IQSEC2: variants seen among roughly 807,000 people sequenced by gnomAD.
IQSEC2 encodes the protein IQ motif and SEC7 domain-containing protein 2.
In IQSEC2, 6 loss-of-function variants were observed where a neutral mutation model predicts 74.6. The ratio of observed to expected loss-of-function variants is 0.08; its 90% confidence interval spans 0.04 to 0.16. IQSEC2 has a LOEUF of 0.16. Among genes scored for constraint, IQSEC2 ranks in the 10% least tolerant of loss-of-function variants. IQSEC2 has a pLI of 1.00. For missense variants in IQSEC2, 734 were observed against 1,306.2 expected, an observed-to-expected ratio of 0.56 and a Z score of 6.75; for synonymous variants, 494 against 544.5, an observed-to-expected ratio of 0.91 and a Z score of 1.29.
At chrX:53,227,687 T>G, downstream of IQSEC2, 3 of 245,857 alleles carry the variant, frequency 1.2e-5, no homozygotes, top group Non-Finnish European at 2.2e-5. Flanking sequence ...GTGAGGAGAA[T>G]CTAGAAGGTG....
chrX:53,252,529 C>T (rs952946766), intron 4 of IQSEC2, among the ~76,000 whole-genome samples: 3 of 111,571 alleles, frequency 2.7e-5, no homozygotes, highest in Admixed American at 1.9e-4. Context: ...AGCCGCATCA[C>T]GAACAGTCCT....
In IQSEC2 at chrX:53,320,595, G is replaced by A; in HGVS notation, c.529C>T (p.Pro177Ser). The change falls in exon 1 of 15, where the codon CCG becomes TCG. Residue 177 changes from proline to serine, a missense_variant. Transcript: ENST00000642864. ...TCCTTCTCGCGGCCCGGGTGCGCCG[G>A]CCCGGCCTCCCGCCCGCCACGCTCG... ...GRERGGREAG[P>S]AHPGREKEAG... The A allele has an allele frequency of 1.8e-5, 21 of 1,152,599 alleles. No homozygotes were observed. The highest frequency in any genetic ancestry group is 2.3e-5 in the Non-Finnish European group (20 of 867,332). The allele number at this position is 1,152,599 out of a possible 1,213,427, so 95.0% of individuals were successfully genotyped here.
chrX:53,320,482 A>G lies in IQSEC2; in HGVS notation c.642T>C (p.Ser214=). ...TGCTGTGGCCTCCGCCGGCGCCGGG[A>G]CTGGAGCTCCTGGATGCGCCACGGC... ...QLSRGASRSS[S]PGAGGGHSTS... is the part of the protein sequence containing the mutation. The change falls in exon 1 of 15, where the codon AGT becomes AGC. Residue 214 remains serine (S), a synonymous_variant. Coordinates refer to ENST00000642864, the MANE Select transcript of IQSEC2 (RefSeq NM_001111125.3). 4 of 1,165,136 alleles carry G rather than the reference A, an allele frequency of 3.4e-6. No individual in the cohort carries two copies. Among genetic ancestry groups the G allele is most frequent in the Non-Finnish European group, 4.6e-6 (4 of 872,153 alleles).
chrX:53,255,420 T>C (rs1186092574), intron 3 of IQSEC2, among the ~76,000 whole-genome samples: 1 of 111,569 alleles, frequency 9.0e-6, no homozygotes, highest in Non-Finnish European at 1.9e-5. Context: ...TTTTTTCCTA[T>C]ATGTAGTATT....
intron 2 of IQSEC2, chrX:53,266,391 T>C: frequency 1.3e-6 from 1 of 752,406 alleles, no homozygotes; most frequent in African/African-American, 2.3e-5. Context: ...CTGAGAGGCC[T>C]TTTCCTCCTG....
At chrX:53,280,434 GAC>G (rs1383004233) in intron 2 of IQSEC2, among the ~76,000 whole-genome samples, 1 of 110,879 alleles carries the variant, frequency 9.0e-6, no homozygotes, top group Non-Finnish European at 1.9e-5. Flanking sequence ...CGAGACAGAA[GAC>G]ACAGAGAGAA....
At chrX:53,250,231 T>A in intron 5 of IQSEC2, 48 bp downstream of exon 5, 1 of 1,184,377 alleles carries the variant, frequency 8.4e-7, no homozygotes, top group East Asian at 3.0e-5. Context: ...CCCAAGTGCA[T>A]GTGGCAGGGT....
chrX:53,316,883 T>C (rs1369523006), intron 1 of IQSEC2, among the ~76,000 whole-genome samples: 2 of 107,917 alleles, frequency 1.9e-5, no homozygotes, highest in African/African-American at 6.8e-5. Flanking sequence ...CCAGCCCCTC[T>C]AGTTGCTATC....
At chrX:53,306,761 G>A (rs1602366545) in intron 1 of IQSEC2, among the ~76,000 whole-genome samples, 1 of 111,181 alleles carries the variant, frequency 9.0e-6, no homozygotes, top group East Asian at 2.8e-4. Flanking sequence ...ATCAGTGGGT[G>A]AGAGATTTCA....
At chrX:53,293,787 A>C (rs781891148) in intron 1 of IQSEC2, among the ~76,000 whole-genome samples, 34 of 112,227 alleles carry the variant, frequency 3.0e-4, no homozygotes, top group Non-Finnish European at 5.6e-4. Flanking sequence ...AGGTTTAAGC[A>C]ACACATCTAA....
intron 1 of IQSEC2, among the ~76,000 whole-genome samples, chrX:53,301,963 T>C (rs1192395702): frequency 8.9e-6 from 1 of 112,059 alleles, no homozygotes; most frequent in Non-Finnish European, 1.9e-5. Flanking sequence ...TAGTTATGAG[T>C]CCAGGCTTTA....
At chrX:53,229,545 T>A (rs183622066), downstream of IQSEC2, 326 of 109,127 alleles carry the variant, frequency 3.0e-3, 1 homozygote, top group Non-Finnish European at 5.1e-3. Context: ...CTACAAAAAA[T>A]TTTTAAATTA....
chrX:53,310,424 G>C (rs1302848537), intron 1 of IQSEC2, among the ~76,000 whole-genome samples: 3 of 110,701 alleles, frequency 2.7e-5, no homozygotes, highest in Non-Finnish European at 5.7e-5. Flanking sequence ...AAAAACTTGA[G>C]AAATAGGCAT....
intron 2 of IQSEC2, among the ~76,000 whole-genome samples, chrX:53,281,154 G>C (rs1362687522): frequency 4.4e-5 from 5 of 112,569 alleles, no homozygotes; most frequent in African/African-American, 1.6e-4. Flanking sequence ...GAGACTCTTA[G>C]GCTGCTGGAA....
intron 6 of IQSEC2, 89 bp from the exon 7 acceptor site, chrX:53,248,325 C>T: frequency 9.3e-7 from 1 of 1,071,694 alleles, no homozygotes; most frequent in Non-Finnish European, 1.3e-6. Flanking sequence ...GACCAACACC[C>T]CCACTGATAG....
At chrX:53,311,980 T>C (rs1356593203) in intron 1 of IQSEC2, among the ~76,000 whole-genome samples, 1 of 111,379 alleles carries the variant, frequency 9.0e-6, no homozygotes, top group Admixed American at 9.5e-5. Flanking sequence ...ACGCTGCTAG[T>C]GAAGTGTCCT....
chrX:53,302,017 G>T (rs922811382), intron 1 of IQSEC2, among the ~76,000 whole-genome samples: 1 of 112,334 alleles, frequency 8.9e-6, no homozygotes, highest in Non-Finnish European at 1.9e-5. Context: ...GCCTCTTCCA[G>T]CTATGCGATT....
At chrX:53,296,222 A>G (rs782145780) in intron 1 of IQSEC2, among the ~76,000 whole-genome samples, 3 of 110,679 alleles carry the variant, frequency 2.7e-5, no homozygotes, top group Non-Finnish European at 5.7e-5. Flanking sequence ...TTTAGTAGAG[A>G]TGGGGTTTCA....
chrX:53,251,734 C>T (rs947938800), intron 4 of IQSEC2, among the ~76,000 whole-genome samples: 2 of 111,889 alleles, frequency 1.8e-5, no homozygotes, highest in African/African-American at 3.3e-5. Flanking sequence ...ATGGCAGAAG[C>T]GAATGTATGT....
Sources: gnomAD v4.1 joint callset for allele counts (sites outside exome capture counted in the v4.1 genomes callset) on GRCh38, gnomAD v4.1.1 for gene constraint, MANE v1.5 for transcripts, NCBI Gene and HGNC (gene_info 2026-07-23, HGNC 2026-07-21) for gene names.